SMAD3: variants seen among roughly 807,000 people sequenced by gnomAD.
SMAD3 encodes MAD homolog 3.
In SMAD3, 12 loss-of-function variants were observed where a neutral mutation model predicts 51.8. That is an observed-to-expected ratio of 0.23 (90% CI 0.15 to 0.38). The LOEUF is 0.38. SMAD3 is among the 10% of genes least tolerant of loss of function. SMAD3 has a pLI of 1.00. For synonymous variants in SMAD3, 238 were observed against 227.7 expected, an observed-to-expected ratio of 1.05 and a Z score of -0.41; for missense variants, 294 against 565.6, an observed-to-expected ratio of 0.52 and a Z score of 4.87.
chr15:67,153,623 A>AT (rs575729006), intron 1 of SMAD3, among the ~76,000 whole-genome samples: 9 of 151,930 alleles, frequency 5.9e-5, no homozygotes, highest in South Asian at 2.1e-4. Context: ...GTTTAGAGGT[A>AT]TTTTTTTTCA....
intron 1 of SMAD3, among the ~76,000 whole-genome samples, chr15:67,120,972 C>T (rs1176306550): frequency 1.3e-5 from 2 of 152,220 alleles, no homozygotes; most frequent in Admixed American, 6.5e-5. Context: ...ACCGGACACC[C>T]CTGCTTAGAG....
At chr15:67,117,763 A>G (rs948077177) in intron 1 of SMAD3, among the ~76,000 whole-genome samples, 4 of 152,246 alleles carry the variant, frequency 2.6e-5, no homozygotes, top group Non-Finnish European at 5.9e-5. Flanking sequence ...AGTACTAAGC[A>G]CATGTAATGA....
At chr15:67,159,227 C>A (rs1379313852) in intron 1 of SMAD3, among the ~76,000 whole-genome samples, 2 of 152,056 alleles carry the variant, frequency 1.3e-5, no homozygotes, top group Non-Finnish European at 2.9e-5. Context: ...TGGGTCACCA[C>A]GCCCAGCTAA....
intron 1 of SMAD3, among the ~76,000 whole-genome samples, chr15:67,092,829 G>C (rs1236121385): frequency 6.6e-6 from 1 of 152,180 alleles, no homozygotes; most frequent in Non-Finnish European, 1.5e-5. Flanking sequence ...TTGCTGTGAC[G>C]GTTAAATGTA....
chr15:67,171,439 C>G (rs1962750082), intron 5 of SMAD3, among the ~76,000 whole-genome samples: 1 of 152,146 alleles, frequency 6.6e-6, no homozygotes, highest in African/African-American at 2.4e-5. Context: ...GGGCTTCAAA[C>G]AAATGAAATA....
intron 8 of SMAD3, among the ~76,000 whole-genome samples, chr15:67,188,147 TC>T (rs1255893377): frequency 4.9e-4 from 47 of 95,162 alleles, no homozygotes; most frequent in African/African-American, 1.7e-3. Context: ...TTTTTCTTTT[TC>T]TTTTTTTTTT....
intron 1 of SMAD3, among the ~76,000 whole-genome samples, chr15:67,124,089 A>G (rs1488179867): frequency 6.6e-6 from 1 of 152,116 alleles, no homozygotes; most frequent in Non-Finnish European, 1.5e-5. Flanking sequence ...CTGGGCTCAA[A>G]TGATCCTCTA....
In SMAD3 at chr15:67,076,804, G is replaced by A. The variant is rs564790176; in HGVS notation, c.206+10444G>A. Among the ~76,000 whole-genome samples, 9 of 152,320 alleles carry A rather than the reference G, an allele frequency of 5.9e-5. No homozygotes were observed. The East Asian group carries it at 1.2e-3, about 20-fold the overall frequency. On this transcript the variant is annotated intron_variant, in intron 1 of 8. Coordinates refer to ENST00000327367, the MANE Select transcript of SMAD3 (RefSeq NM_005902.4). ...TCTTGAGCCTGTTTCCAAGTCCTGC[G>A]TGGGCCTCTTCCCCAGGTCTGTTTT...
intron 1 of SMAD3, among the ~76,000 whole-genome samples, chr15:67,135,437 A>G (rs1038955029): frequency 2.6e-5 from 4 of 152,160 alleles, no homozygotes; most frequent in African/African-American, 9.7e-5. Flanking sequence ...ACCCTTTTTC[A>G]TTGTTAAGAT....
intron 1 of SMAD3, among the ~76,000 whole-genome samples, chr15:67,092,005 C>T (rs1213003244): frequency 6.6e-6 from 1 of 152,190 alleles, no homozygotes; most frequent in Non-Finnish European, 1.5e-5. Context: ...GTTGGGGTCA[C>T]CAGTGGGCCT....
chr15:67,087,001 T>G (rs543385339), intron 1 of SMAD3, among the ~76,000 whole-genome samples: 2 of 152,076 alleles, frequency 1.3e-5, no homozygotes, highest in African/African-American at 2.4e-5. Context: ...GTTCAAGCGA[T>G]TCTCGTGCCT....
intron 1 of SMAD3, among the ~76,000 whole-genome samples, chr15:67,151,625 C>T (rs1021900033): frequency 2.0e-5 from 3 of 152,288 alleles, no homozygotes; most frequent in East Asian, 3.9e-4. Flanking sequence ...GCCATTGCAC[C>T]CAGGCTATTT....
In SMAD3 at chr15:67,194,336, G is replaced by C. The variant is rs1742370165; in HGVS notation, c.*3800G>C. 1 of 233,250 alleles carries C rather than the reference G, an allele frequency of 4.3e-6. No homozygotes were observed. Among genetic ancestry groups the C allele is most frequent in the Non-Finnish European group, 8.5e-6 (1 of 117,968 alleles). The allele number at this position is 233,250 out of a possible 1,614,324, so 14.4% of individuals were successfully genotyped here. A position where few individuals can be genotyped will look rare whatever the true frequency, so the allele number is the denominator to read the frequency against. ...AGGGAAAGCAGAAAAACGTACGCAA[G>C]AGGACATGGATCCAAAATGATGATG... is the stretch of plus-strand genomic sequence containing the variant. On this transcript the variant is annotated 3_prime_UTR_variant, in exon 9 of 9. Transcript: ENST00000327367.
At chr15:67,102,941 C>T (rs545850620) in intron 1 of SMAD3, among the ~76,000 whole-genome samples, 1 of 152,292 alleles carries the variant, frequency 6.6e-6, no homozygotes, top group African/African-American at 2.4e-5. Context: ...CTCTCCTAGA[C>T]TCCTCTGTAC....
In SMAD3 at chr15:67,181,471, T is replaced by TGGGCCCCCCCCCC; in HGVS notation, c.871+18_871+19insGGGCCCCCCCCCC. On this transcript the variant is annotated intron_variant, in intron 6 of 8. Coordinates refer to ENST00000327367, the MANE Select transcript of SMAD3 (RefSeq NM_005902.4). Reference sequence around the variant, plus strand: ...ACACATCGGTATGGGGTGGCTCCATTCCCCGCCCCCCCACCCTGCCCCTGC... The same window carrying TGGGCCCCCCCCCC: ...ACACATCGGTATGGGGTGGCTCCATTGGGCCCCCCCCCCCCCCGCCCCCCCACCCTGCCCCTGC... The TGGGCCCCCCCCCC allele has an allele frequency of 1.3e-6, 2 of 1,521,088 alleles. No individual in the cohort carries two copies. Among genetic ancestry groups the TGGGCCCCCCCCCC allele is most frequent in the Non-Finnish European group, 1.8e-6 (2 of 1,132,006 alleles). The allele number at this position is 1,521,088 out of a possible 1,614,324, so 94.2% of individuals were successfully genotyped here.
intron 1 of SMAD3, among the ~76,000 whole-genome samples, chr15:67,162,626 G>A (rs944206449): frequency 1.6e-4 from 24 of 152,076 alleles, no homozygotes; most frequent in South Asian, 1.0e-3. Context: ...CTGCCTCCCC[G>A]GCCTCGTCTC....
intron 1 of SMAD3, among the ~76,000 whole-genome samples, chr15:67,117,960 C>T (rs374717656): frequency 1.3e-5 from 2 of 152,166 alleles, no homozygotes; most frequent in East Asian, 1.9e-4. Flanking sequence ...GGCGTGGTGA[C>T]GGGTGCCTGT....
chr15:67,142,127 AC>A (rs1961843093), intron 1 of SMAD3, among the ~76,000 whole-genome samples: 1 of 146,750 alleles, frequency 6.8e-6, no homozygotes, highest in South Asian at 2.2e-4. Flanking sequence ...CCGCTCTTTT[AC>A]CCCCTTTCCT....
At chr15:67,100,287 A>C (rs1960721811) in intron 1 of SMAD3, among the ~76,000 whole-genome samples, 1 of 152,122 alleles carries the variant, frequency 6.6e-6, no homozygotes, top group African/African-American at 2.4e-5. Flanking sequence ...CACATATCAC[A>C]TGATTCCATT....
Sources: gnomAD v4.1 joint callset for allele counts (sites outside exome capture counted in the v4.1 genomes callset) on GRCh38, gnomAD v4.1.1 for gene constraint, MANE v1.5 for transcripts, NCBI Gene and HGNC (gene_info 2026-07-23, HGNC 2026-07-21) for gene names.